The following XKR6 variants were observed in gnomAD, a reference collection of about 807,000 sequenced individuals.
XKR6 encodes the protein XK-related protein 6.
XKR6 carries 22 observed loss-of-function variants against 56.7 expected under a neutral mutation model. That is an observed-to-expected ratio of 0.39 (90% CI 0.28 to 0.55). XKR6 has a LOEUF of 0.55. XKR6 is among the 20% of genes least tolerant of loss of function. XKR6 has a pLI of 0.66. For missense variants in XKR6, 852 were observed against 889.0 expected, an observed-to-expected ratio of 0.96 and a Z score of 0.53; for synonymous variants, 524 against 387.8, an observed-to-expected ratio of 1.35 and a Z score of -4.13.
intron 1 of XKR6, among the ~76,000 whole-genome samples, chr8:11,004,762 A>G (rs1798326760): frequency 1.3e-5 from 2 of 152,246 alleles, no homozygotes; most frequent in African/African-American, 4.8e-5. Flanking sequence ...AACATTATTC[A>G]CAATAGCCAA....
At chr8:11,005,876 C>G (rs1314287846) in intron 1 of XKR6, among the ~76,000 whole-genome samples, 4 of 143,118 alleles carry the variant, frequency 2.8e-5, no homozygotes, top group African/African-American at 1.0e-4. Flanking sequence ...TGGAGTCTCC[C>G]TCTTTTGCCC....
chr8:11,080,666 A>G (rs1336947215), intron 1 of XKR6, among the ~76,000 whole-genome samples: 1 of 152,242 alleles, frequency 6.6e-6, no homozygotes. Context: ...GTCTCTGTTG[A>G]GCACTGGCTT....
At chr8:10,922,701 A>C (rs1436760130) in intron 2 of XKR6, among the ~76,000 whole-genome samples, 1 of 152,194 alleles carries the variant, frequency 6.6e-6, no homozygotes, top group Non-Finnish European at 1.5e-5. Flanking sequence ...TTCGTTGCCA[A>C]GCATACAGCC....
rs536207443 is a variant in XKR6, at chr8:10,960,765, C to A, written c.765-35935G>T. Among the ~76,000 whole-genome samples the A allele has an allele frequency of 6.2e-4, 94 of 152,312 alleles. 1 individual carries two copies. Among genetic ancestry groups the A allele is most frequent in the African/African-American group, 2.2e-3 (90 of 41,574 alleles). ...GCAGGAGGTATCATTCCCTCTCACT[C>A]CCTCATCTAATCACCCTTTCACTCC... On this transcript the variant is annotated intron_variant, in intron 1 of 2. Coordinates refer to ENST00000416569, the MANE Select transcript of XKR6 (RefSeq NM_173683.4).
intron 1 of XKR6, among the ~76,000 whole-genome samples, chr8:10,991,062 C>T (rs1419589813): frequency 6.6e-6 from 1 of 152,012 alleles, no homozygotes; most frequent in African/African-American, 2.4e-5. Context: ...CACCAACATG[C>T]CCAGCTGATT....
chr8:11,120,221 A>T (rs1184948619), intron 1 of XKR6, among the ~76,000 whole-genome samples: 1 of 152,218 alleles, frequency 6.6e-6, no homozygotes, highest in Non-Finnish European at 1.5e-5. Context: ...AAGGGCATTC[A>T]AGTAAGAAAA....
intron 1 of XKR6, among the ~76,000 whole-genome samples, chr8:11,159,020 G>A (rs1801663860): frequency 6.6e-6 from 1 of 152,180 alleles, no homozygotes; most frequent in Non-Finnish European, 1.5e-5. Context: ...TCTGAAACCT[G>A]GTTCTACCAT....
chr8:11,149,769 T>C (rs958860281), intron 1 of XKR6, among the ~76,000 whole-genome samples: 2 of 152,056 alleles, frequency 1.3e-5, no homozygotes, highest in South Asian at 2.1e-4. Flanking sequence ...GGAAAAGAAA[T>C]CGGCACATCA....
At chr8:10,960,557 G>A (rs907686515) in intron 1 of XKR6, among the ~76,000 whole-genome samples, 4 of 152,232 alleles carry the variant, frequency 2.6e-5, no homozygotes, top group African/African-American at 9.6e-5. Flanking sequence ...TAGGTCAGCT[G>A]TCTGCCACTT....
chr8:11,151,148 C>G (rs1348139928), intron 1 of XKR6, among the ~76,000 whole-genome samples: 1 of 152,090 alleles, frequency 6.6e-6, no homozygotes, highest in Non-Finnish European at 1.5e-5. Flanking sequence ...TCCTCTTTCT[C>G]CCCCGCAAGT....
At chr8:10,930,009 G>T (rs1276295217) in intron 1 of XKR6, among the ~76,000 whole-genome samples, 2 of 152,144 alleles carry the variant, frequency 1.3e-5, no homozygotes, top group African/African-American at 4.8e-5. Flanking sequence ...TTTCCTGCTG[G>T]CTCGTCTGAG....
At chr8:11,072,911 G>A (rs184652665) in intron 1 of XKR6, among the ~76,000 whole-genome samples, 5 of 152,290 alleles carry the variant, frequency 3.3e-5, no homozygotes, top group African/African-American at 9.6e-5. Flanking sequence ...TTAGCCGGGC[G>A]TGGTGGCGGG....
chr8:11,200,157 T>C lies in XKR6; in HGVS notation c.764+419A>G, dbSNP rs548122030. Among the ~76,000 whole-genome samples, 108 of 152,168 alleles carry C rather than the reference T, an allele frequency of 7.1e-4. 2 individuals carry two copies. The highest frequency in any genetic ancestry group is 5.9e-4 in the Non-Finnish European group (40 of 67,968). ...GAGAACGGGGGAAGAGGGGAGGATG[T>C]CTCACCTGGGAACAAACCCGAATGC... On this transcript the variant is annotated intron_variant, in intron 1 of 2. Transcript: ENST00000416569. This position sits in a 1 kb window ranked among gnomAD's most constrained non-coding sequence, Gnocchi z 6.4.
chr8:10,978,828 C>T (rs1797656607), intron 1 of XKR6, among the ~76,000 whole-genome samples: 1 of 152,232 alleles, frequency 6.6e-6, no homozygotes, highest in East Asian at 1.9e-4. Flanking sequence ...ATTCTTCTCC[C>T]TTGGAAACTT....
In XKR6 at chr8:11,181,191, A is replaced by G. The variant is rs138277080; in HGVS notation, c.764+19385T>C. On this transcript the variant is annotated intron_variant, in intron 1 of 2. Transcript: ENST00000416569. ...TGAGGGGATTTTAAAGGGTTGTTGT[A>G]TAAACAATTTATACTCAATATTTTC... 2.1e-3 allele frequency among the ~76,000 whole-genome samples: 314 copies of G among 152,340 alleles called. 3 individuals are homozygous for G. The highest frequency in any genetic ancestry group is 7.0e-3 in the African/African-American group (293 of 41,580).
chr8:10,953,186 T>C (rs1205165794), intron 1 of XKR6, among the ~76,000 whole-genome samples: 2 of 152,162 alleles, frequency 1.3e-5, no homozygotes, highest in African/African-American at 2.4e-5. Flanking sequence ...CCTGAAACCA[T>C]CCTCCCTCCT....
intron 1 of XKR6, among the ~76,000 whole-genome samples, chr8:10,935,790 T>C (rs1448540246): frequency 1.5e-5 from 2 of 134,832 alleles, no homozygotes; most frequent in African/African-American, 2.9e-5. Context: ...TCTGTTCTTT[T>C]ACATTTGCTG....
intron 1 of XKR6, among the ~76,000 whole-genome samples, chr8:11,073,787 G>C (rs965354148): frequency 2.0e-5 from 3 of 152,090 alleles, no homozygotes; most frequent in African/African-American, 7.2e-5. Context: ...AGACAGAGAG[G>C]GGCCAGTGAG....
chr8:11,129,225 T>C (rs960253425), intron 1 of XKR6, among the ~76,000 whole-genome samples: 3 of 152,184 alleles, frequency 2.0e-5, no homozygotes, highest in East Asian at 3.8e-4. Flanking sequence ...CGCCACTGAA[T>C]TGTTCATTTT....
Sources: gnomAD v4.1 joint callset for allele counts (sites outside exome capture counted in the v4.1 genomes callset) on GRCh38, gnomAD v4.1.1 for gene constraint, Gnocchi (gnomAD v3.1) non-coding constraint, MANE v1.5 for transcripts, NCBI Gene and HGNC (gene_info 2026-07-23, HGNC 2026-07-21) for gene names.